Variants in CENPK observed in about 807,000 individuals in gnomAD.
The protein encoded by CENPK is centromere protein K.
In CENPK, 46 loss-of-function variants were observed where a neutral mutation model predicts 40.9. That is an observed-to-expected ratio of 1.13 (90% confidence interval 0.89 to 1.44). The LOEUF (loss-of-function observed/expected upper bound fraction) is 1.44. Among genes scored for constraint, CENPK ranks in the 40% most tolerant of loss-of-function variants. The pLI is 0.00. For missense variants in CENPK, 288 were observed against 303.5 expected (o/e 0.95, Z 0.38); for synonymous variants, 107 against 104.4 (o/e 1.02, Z -0.15).
chr5:65,510,943 A>T, the CENPK span, among the ~76,000 whole-genome samples: 1 of 152,150 alleles, frequency 6.6e-6, no homozygotes, highest in East Asian at 1.9e-4. Flanking sequence ...GATTCTTCAG[A>T]GTCACCAGCA....
At chr5:65,527,061 C>T (rs547113252) in intron 9 of CENPK, among the ~76,000 whole-genome samples, 26 of 152,116 alleles carry the variant, frequency 1.7e-4, no homozygotes, top group African/African-American at 5.8e-4. Flanking sequence ...CATGCCATTG[C>T]ACTCCAGCCT....
chr5:65,518,662 T>C, intron 10 of CENPK, 29 bp from the exon 11 acceptor site: 1 of 1,470,922 alleles, frequency 6.8e-7, no homozygotes, highest in South Asian at 1.2e-5. Flanking sequence ...CAAAATATAC[T>C]TTACTTGGGA....
At chr5:65,515,946 T>C (rs1268629797), downstream of CENPK, among the ~76,000 whole-genome samples, 1 of 152,234 alleles carries the variant, frequency 6.6e-6, no homozygotes, top group Non-Finnish European at 1.5e-5. Context: ...GCATAGTCAA[T>C]TTCTGGGGAA....
chr5:65,563,149 T>C lies in CENPK; in HGVS notation c.-193A>G. 1.1e-6 allele frequency: 1 copy of C among 905,510 alleles called. No homozygotes were observed. Among genetic ancestry groups the C allele is most frequent in the South Asian group, 1.8e-5 (1 of 56,164 alleles). 56.1% of individuals were successfully genotyped at this position (905,510 alleles called of 1,614,324 possible). On this transcript the variant is annotated 5_prime_UTR_variant, in exon 1 of 11. Transcript: ENST00000396679. ...GCCTAGGCGCTGCGCAGGAAGCGCT[T>C]GCCAGCCCCGGACTTCTGCGCGCGC... is the stretch of plus-strand genomic sequence containing the variant.
Position 65,518,620 on chromosome 5 carries a change from C to T in CENPK, c.665G>A (p.Arg222Lys). The change falls in exon 11 of 11, where the codon AGA becomes AAA. Residue 222 changes from arginine to lysine, a missense_variant. Transcript: ENST00000396679. The part of the protein sequence containing the change: ...LHEMLEILIN[R>K]LFDVPHDPYV... ...TGGATCATGTGGAACATCAAATAAT[C>T]TATTTATAAGAATCTAGGAGAAAAT... 1 of 1,581,704 alleles carries T rather than the reference C, an allele frequency of 6.3e-7. No individual in the cohort carries two copies. The highest frequency in any genetic ancestry group is 8.7e-7 in the Non-Finnish European group (1 of 1,155,870).
At chr5:65,526,219 T>C (rs199936208) in intron 9 of CENPK, among the ~76,000 whole-genome samples, 1 of 119,478 alleles carries the variant, frequency 8.4e-6, no homozygotes, top group African/African-American at 3.1e-5. Context: ...GAAAAAAATT[T>C]GAAAAAAATG....
chr5:65,497,224 T>C, the CENPK span, among the ~76,000 whole-genome samples: 1 of 151,450 alleles, frequency 6.6e-6, no homozygotes, highest in South Asian at 2.1e-4. Flanking sequence ...AAAAATTAGC[T>C]GGGCATGGTG....
intron 9 of CENPK, among the ~76,000 whole-genome samples, chr5:65,525,710 G>A (rs1744577876): frequency 6.6e-6 from 1 of 152,142 alleles, no homozygotes; most frequent in Admixed American, 6.5e-5. Context: ...GGATAAACGA[G>A]GTCATAAGAA....
chr5:65,503,483 T>C, the CENPK span, among the ~76,000 whole-genome samples: 1 of 152,198 alleles, frequency 6.6e-6, no homozygotes, highest in African/African-American at 2.4e-5. Context: ...ATGTGAATTC[T>C]TTGTTGGATA....
chr5:65,546,063 T>C (rs545797745), intron 5 of CENPK, among the ~76,000 whole-genome samples: 20 of 152,358 alleles, frequency 1.3e-4, no homozygotes, highest in African/African-American at 4.8e-4. Flanking sequence ...ACTTCTATCA[T>C]TGCCAGGGTG....
intron 2 of CENPK, among the ~76,000 whole-genome samples, chr5:65,558,724 T>C (rs965632893): frequency 6.6e-6 from 1 of 152,138 alleles, no homozygotes; most frequent in Non-Finnish European, 1.5e-5. Flanking sequence ...TTCTATGGTG[T>C]AGCACCACAG....
At chr5:65,514,545 G>A (rs1351733035), downstream of CENPK, among the ~76,000 whole-genome samples, 2 of 152,102 alleles carry the variant, frequency 1.3e-5, no homozygotes, top group South Asian at 2.1e-4. Flanking sequence ...GATTACAGGC[G>A]TGAGCCATCG....
chr5:65,561,596 A>AAACACACACAC (rs1278710802), intron 1 of CENPK, 32 bp from the exon 2 acceptor site: 1 of 382,724 alleles, frequency 2.6e-6, no homozygotes, highest in East Asian at 7.4e-5. Flanking sequence ...TGTTTAATTA[A>AAACACACACAC]AACACACACA....
chr5:65,512,407 G>A, the CENPK span, among the ~76,000 whole-genome samples: 4 of 151,052 alleles, frequency 2.6e-5, no homozygotes, highest in African/African-American at 9.7e-5. Context: ...GTCAATCGAT[G>A]TGGCAAACTT....
downstream of CENPK, among the ~76,000 whole-genome samples, chr5:65,515,019 CTA>C (rs1355197426): frequency 6.6e-6 from 1 of 151,706 alleles, no homozygotes; most frequent in African/African-American, 2.4e-5. Context: ...CTGAATTTCT[CTA>C]TTGTTTTTGT....
intron 6 of CENPK, among the ~76,000 whole-genome samples, chr5:65,533,878 T>G (rs1049913000): frequency 1.3e-5 from 2 of 151,444 alleles, no homozygotes; most frequent in Non-Finnish European, 2.9e-5. Context: ...CCATCTCTAC[T>G]AAAAATACAA....
At chr5:65,514,659 T>C (rs1430633730), downstream of CENPK, among the ~76,000 whole-genome samples, 1 of 152,214 alleles carries the variant, frequency 6.6e-6, no homozygotes, top group Admixed American at 6.5e-5. Flanking sequence ...TCACTTTCTC[T>C]TTGAATGGTA....
downstream of CENPK, among the ~76,000 whole-genome samples, chr5:65,513,458 CT>C (rs1742651624): frequency 6.6e-6 from 1 of 152,150 alleles, no homozygotes; most frequent in African/African-American, 2.4e-5. Flanking sequence ...TTATTTCTAT[CT>C]TCAATTTCTT....
chr5:65,529,311 T>C, intron 6 of CENPK, 112 bp from the exon 7 acceptor site: 1 of 674,740 alleles, frequency 1.5e-6, no homozygotes, highest in South Asian at 2.1e-5. Flanking sequence ...ACATCAGTAG[T>C]GAAAAAGCCT....
Sources: gnomAD v4.1 joint callset for allele counts (sites outside exome capture counted in the v4.1 genomes callset) on GRCh38, gnomAD v4.1.1 for gene constraint, MANE v1.5 for transcripts, NCBI Gene and HGNC (gene_info 2026-07-23, HGNC 2026-07-21) for gene names.